Variants in C12orf42 observed in about 807,000 individuals in gnomAD.
C12orf42 encodes uncharacterized protein C12orf42.
In C12orf42, 25 loss-of-function variants were observed where a neutral mutation model predicts 21.6. The observed-to-expected ratio is 1.16, with a 90% CI of 0.84 to 1.62. C12orf42 has a LOEUF of 1.62. Among genes scored for constraint, C12orf42 ranks in the 40% most tolerant of loss-of-function variants. The pLI, the probability that C12orf42 is intolerant of heterozygous loss-of-function variation, is 0.00. For missense variants in C12orf42, 483 were observed against 459.3 expected (o/e 1.05, Z -0.47); for synonymous variants, 174 against 175.0 (o/e 0.99, Z 0.05).
At chr12:103,316,506 A>C (rs919268489) in intron 4 of C12orf42, among the ~76,000 whole-genome samples, 1 of 152,182 alleles carries the variant, frequency 6.6e-6, no homozygotes, top group Non-Finnish European at 1.5e-5. Context: ...TACATAAAAA[A>C]GAAAAGACTT....
intron 10 of C12orf42, among the ~76,000 whole-genome samples, chr12:103,242,282 T>C (rs2033786197): frequency 6.6e-6 from 1 of 152,198 alleles, no homozygotes; most frequent in Non-Finnish European, 1.5e-5. Flanking sequence ...TAGATTGCAG[T>C]TGTGTTTGAC....
At chr12:103,260,675 C>T (rs886631216) in intron 10 of C12orf42, among the ~76,000 whole-genome samples, 1 of 152,188 alleles carries the variant, frequency 6.6e-6, no homozygotes, top group African/African-American at 2.4e-5. Context: ...GTTGTTTTCA[C>T]TGAATGTGGC....
chr12:103,377,608 T>C (rs928303592), intron 3 of C12orf42, among the ~76,000 whole-genome samples: 3 of 152,280 alleles, frequency 2.0e-5, no homozygotes, highest in African/African-American at 7.2e-5. Flanking sequence ...ATCCCCGAGC[T>C]GGGAGTCCTT....
intron 2 of C12orf42, among the ~76,000 whole-genome samples, chr12:103,439,811 G>T (rs1245205650): frequency 6.7e-6 from 1 of 150,368 alleles, no homozygotes; most frequent in African/African-American, 2.4e-5. Context: ...CTGTTGGTGG[G>T]ACTGTAAACT....
chr12:103,184,895 C>T, the C12orf42 span, among the ~76,000 whole-genome samples: 129 of 152,092 alleles, frequency 8.5e-4, no homozygotes, highest in African/African-American at 2.8e-3. Context: ...CAGGTGAATG[C>T]ACAGAGGAAA....
intron 2 of C12orf42, among the ~76,000 whole-genome samples, chr12:103,440,336 C>A (rs1951108750): frequency 7.1e-6 from 1 of 141,512 alleles, no homozygotes; most frequent in Non-Finnish European, 1.5e-5. Context: ...TGCAGCACAC[C>A]AGCATGGCAC....
At chr12:103,117,584 T>C in the C12orf42 span, among the ~76,000 whole-genome samples, 1 of 152,214 alleles carries the variant, frequency 6.6e-6, no homozygotes, top group Non-Finnish European at 1.5e-5. Context: ...AACCTTCACA[T>C]CAATGCAGTG....
intron 3 of C12orf42, among the ~76,000 whole-genome samples, chr12:103,396,316 C>G (rs935361913): frequency 2.0e-4 from 30 of 152,082 alleles, no homozygotes; most frequent in African/African-American, 7.0e-4. Flanking sequence ...TGAAGAGGTA[C>G]TTGCTTCTCC....
At chr12:103,099,601 C>A in the C12orf42 span, among the ~76,000 whole-genome samples, 18 of 152,272 alleles carry the variant, frequency 1.2e-4, no homozygotes, top group African/African-American at 4.3e-4. Flanking sequence ...TCAGAGAACA[C>A]TGAAAGAATG....
chr12:103,067,600 A>T, the C12orf42 span, among the ~76,000 whole-genome samples: 1 of 152,148 alleles, frequency 6.6e-6, no homozygotes, highest in Non-Finnish European at 1.5e-5. Context: ...TGGAAGTGGC[A>T]CCACTCACCA....
At chr12:103,551,510 C>G in the C12orf42 span, among the ~76,000 whole-genome samples, 47 of 152,138 alleles carry the variant, frequency 3.1e-4, no homozygotes, top group African/African-American at 1.1e-3. Context: ...GAGCAAGACC[C>G]TGTCTCTCAA....
At chr12:103,561,246 C>G in the C12orf42 span, among the ~76,000 whole-genome samples, 1 of 152,156 alleles carries the variant, frequency 6.6e-6, no homozygotes, top group African/African-American at 2.4e-5. Context: ...CCAGAGCAAG[C>G]CCCAGCTTTG....
the C12orf42 span, among the ~76,000 whole-genome samples, chr12:103,506,327 CA>C: frequency 8.5e-6 from 1 of 117,400 alleles, no homozygotes; most frequent in Non-Finnish European, 1.7e-5. Context: ...ACACACAAAA[CA>C]AAACAAAAAA....
At chr12:103,179,096 T>C in the C12orf42 span, among the ~76,000 whole-genome samples, 2 of 152,226 alleles carry the variant, frequency 1.3e-5, no homozygotes, top group African/African-American at 2.4e-5. Context: ...AGGCACCTGC[T>C]TTTTGGGGCC....
intron 10 of C12orf42, among the ~76,000 whole-genome samples, chr12:103,261,507 C>T (rs915688541): frequency 2.1e-5 from 3 of 144,666 alleles, no homozygotes; most frequent in Admixed American, 2.1e-4. Flanking sequence ...AAGTATGGTT[C>T]TTGTTGCAAA....
At chr12:103,482,486 T>C (rs917665578) in intron 1 of C12orf42, among the ~76,000 whole-genome samples, 6 of 152,154 alleles carry the variant, frequency 3.9e-5, no homozygotes, top group Non-Finnish European at 7.4e-5. Flanking sequence ...TATTTTGTTT[T>C]GTTTCTAGTC....
At chr12:103,257,498 A>G (rs531272925) in intron 10 of C12orf42, among the ~76,000 whole-genome samples, 10 of 152,092 alleles carry the variant, frequency 6.6e-5, no homozygotes, top group Admixed American at 5.9e-4. Flanking sequence ...ATTAAAGTAT[A>G]CAAGACATGA....
intron 4 of C12orf42, among the ~76,000 whole-genome samples, chr12:103,315,071 C>T (rs1854161253): frequency 1.3e-5 from 2 of 152,132 alleles, no homozygotes; most frequent in Non-Finnish European, 2.9e-5. Flanking sequence ...GCAGCTACAA[C>T]AAACATTAAA....
At chr12:103,228,922 T>C in the C12orf42 span, among the ~76,000 whole-genome samples, 30 of 151,874 alleles carry the variant, frequency 2.0e-4, no homozygotes, top group South Asian at 3.3e-3. Flanking sequence ...GTTATTTCTC[T>C]CATCTTTTCC....
Sources: gnomAD v4.1 joint callset for allele counts (sites outside exome capture counted in the v4.1 genomes callset) on GRCh38, gnomAD v4.1.1 for gene constraint, MANE v1.5 for transcripts, NCBI Gene and HGNC (gene_info 2026-07-23, HGNC 2026-07-21) for gene names.